The following NLRP3 variants were observed in gnomAD, a reference collection of about 807,000 sequenced individuals.
NLRP3 encodes the protein NLR family pyrin domain containing 3.
Under a neutral mutation model 91.3 loss-of-function variants are expected in NLRP3, and 48 were observed. That is an observed-to-expected ratio of 0.53 (90% CI 0.42 to 0.67). The LOEUF is 0.67. Ranked by LOEUF, NLRP3 falls within the 30% of genes least tolerant of loss-of-function variation. The probability of loss-of-function intolerance (pLI) is 0.00; values close to 1 mark genes in which losing one functional copy is unlikely to be tolerated. For missense variants in NLRP3, 982 were observed against 1,276.9 expected, an observed-to-expected ratio of 0.77 and a Z score of 3.52; for synonymous variants, 561 against 507.9, an observed-to-expected ratio of 1.10 and a Z score of -1.41.
At chr1:247,443,796 G>A in intron 7 of NLRP3, 176 bp from the exon 8 acceptor site, 1 of 664,508 alleles carries the variant, frequency 1.5e-6, no homozygotes, top group Non-Finnish European at 2.7e-6. Flanking sequence ...TGTGTCTCCT[G>A]TGACAGCCAG....
rs1191237426 is a variant in NLRP3 at position 247,444,009 on chromosome 1, G to A, written c.2701G>A (p.Ala901Thr). 6.2e-7 allele frequency: 1 copy of A among 1,614,132 alleles called. No individual in the cohort carries two copies. Among genetic ancestry groups the A allele is most frequent in the Non-Finnish European group, 8.5e-7 (1 of 1,180,020 alleles). Reference sequence around the variant, plus strand: ...TGGCCTTACGTCAGTCTGTTGTTCAGCTTTGTCCTCGGTACTCAGCACTAA... The same window carrying A: ...TGGCCTTACGTCAGTCTGTTGTTCAACTTTGTCCTCGGTACTCAGCACTAA... The part of the protein sequence containing the change: ...NSGLTSVCCS[A>T]LSSVLSTNQN... The change falls in exon 8 of 10, where the codon GCT (alanine) becomes ACT (threonine). Residue 901 changes from alanine (A) to threonine (T), a missense_variant. Ala to Thr is a moderately conservative substitution (Grantham distance 58). Around this residue, in one of 5 missense-constraint regions of NLRP3, gnomAD observed 373 missense variants for 431.5 expected, o/e 0.86. Transcript: ENST00000336119.
chr1:247,444,744 C>A lies in NLRP3; in HGVS notation c.2928C>A (p.Asn976Lys). 3 of 1,614,178 alleles carry A rather than the reference C, an allele frequency of 1.9e-6. No homozygotes were observed. In the South Asian group the frequency reaches 3.3e-5, roughly 18 times the overall value. The part of the protein sequence containing the change: ...SQSLRKLSLG[N>K]NDLGDLGVMM... ...GCCTGCGAAAGCTGAGCCTGGGCAA[C>A]AATGACCTGGGCGACCTGGGGGTCA... The change falls in exon 9 of 10, where the codon AAC becomes AAA. Residue 976 changes from asparagine (N) to lysine (K), a missense_variant. Around this residue, in one of 5 missense-constraint regions of NLRP3, gnomAD observed 373 missense variants for 431.5 expected, o/e 0.86. Transcript: ENST00000336119.
In NLRP3 at chr1:247,419,159, TATATA is replaced by T. The variant is rs751265516; in HGVS notation, c.277+83_277+87del. ...TTTTCCATCTTTATATATATATATA[TATATA>T]TTTTTTTTTGAGACGGAGTTGCTCT... On this transcript the variant is annotated intron_variant, in intron 2 of 9. Coordinates refer to ENST00000336119, the MANE Select transcript of NLRP3 (RefSeq NM_001243133.2). 930 of 909,342 alleles carry T rather than the reference TATATA, an allele frequency of 1.0e-3. 3 individuals are homozygous for T. Among genetic ancestry groups the T allele is most frequent in the East Asian group, 1.9e-3 (45 of 23,782 alleles). The allele number at this position is 909,342 out of a possible 1,614,324, so 56.3% of individuals were successfully genotyped here. A position where few individuals can be genotyped will look rare whatever the true frequency, so the allele number is the denominator to read the frequency against.
Position 247,417,997 on chromosome 1 carries a change from A to C in NLRP3, c.-748-56A>C, listed in dbSNP as rs1447545524. On this transcript the variant is annotated intron_variant, in intron 1 of 9. Transcript: ENST00000336119. ...CTCACAAAAACAGAAGCAAAGAGCCAGAGCCTTCAGTTTGGAGGAACTGAA... is the reference window on the plus strand; with the variant it reads ...CTCACAAAAACAGAAGCAAAGAGCCCGAGCCTTCAGTTTGGAGGAACTGAA... 1.3e-4 allele frequency: 20 copies of C among 152,302 alleles called. 1 individual carries two copies. Among genetic ancestry groups the C allele is most frequent in the Admixed American group, 1.3e-3 (20 of 15,286 alleles). The allele number at this position is 152,302 out of a possible 1,614,324, so 9.4% of individuals were successfully genotyped here.
Position 247,425,443 on chromosome 1 carries a change from C to T in NLRP3, c.1994C>T (p.Ser665Phe). The change falls in exon 4 of 10, where the codon TCC becomes TTC. Residue 665 changes from serine to phenylalanine, a missense_variant. Physicochemically the swap from Ser to Phe is radical, Grantham distance 155. This residue lies in a region of NLRP3 where 373 missense variants were observed against 431.5 expected (regional missense o/e 0.86). Coordinates refer to ENST00000336119, the MANE Select transcript of NLRP3 (RefSeq NM_001243133.2). The surrounding 1 kb of genome is among the most constrained non-coding windows in gnomAD (Gnocchi z 4.1). ...ACCAGAATGGACCACATGGTTTCTT[C>T]CTTTTGCATTGAGAACTGTCATCGG... ...LSTRMDHMVS[S>F]FCIENCHRVE... 2 of 1,614,190 alleles carry T rather than the reference C, an allele frequency of 1.2e-6. No homozygotes were observed. Among genetic ancestry groups the T allele is most frequent in the South Asian group, 2.2e-5 (2 of 91,080 alleles).
Position 247,444,640 on chromosome 1 carries a change from CCT to C in NLRP3, c.2835-10_2835-9del, listed in dbSNP as rs1664472318. On this transcript the variant is annotated splice_polypyrimidine_tract_variant and intron_variant, in intron 8 of 9. Coordinates refer to ENST00000336119, the MANE Select transcript of NLRP3 (RefSeq NM_001243133.2). ...AGGGGACATTTTCTTTAAATCACCC[CCT>C]TTTTGCAGATTAGACAACTGCAACC... 1.9e-6 allele frequency: 3 copies of C among 1,613,890 alleles called. No individual in the cohort carries two copies. The highest frequency in any genetic ancestry group is 2.5e-6 in the Non-Finnish European group (3 of 1,179,988).
At chr1:247,419,157 TA>T (rs1558185951) in intron 2 of NLRP3, 80 bp downstream of exon 2, 335 of 933,670 alleles carry the variant, frequency 3.6e-4, no homozygotes, top group South Asian at 9.1e-4. Context: ...TATATATATA[TA>T]TATATATTTT....
chr1:247,430,276 G>A (rs1306222734), intron 5 of NLRP3, among the ~76,000 whole-genome samples: 1 of 152,156 alleles, frequency 6.6e-6, no homozygotes, highest in African/African-American at 2.4e-5. Flanking sequence ...CTAAGATCAA[G>A]GTGTCAGCAG....
At chr1:247,439,455 T>G (rs1664051561) in intron 7 of NLRP3, among the ~76,000 whole-genome samples, 1 of 152,206 alleles carries the variant, frequency 6.6e-6, no homozygotes, top group South Asian at 2.1e-4. Context: ...TGTAGATGCC[T>G]CTGCCACACC....
In NLRP3 at chr1:247,418,580, G is replaced by T; in HGVS notation, c.-221G>T. The T allele has an allele frequency of 3.5e-6, 2 of 567,494 alleles. No individual in the cohort carries two copies. Among genetic ancestry groups the T allele is most frequent in the Non-Finnish European group, 6.3e-6 (2 of 319,572 alleles). 35.2% of individuals were successfully genotyped at this position (567,494 alleles called of 1,614,324 possible). On this transcript the variant is annotated 5_prime_UTR_variant, in exon 2 of 10. Transcript: ENST00000336119. Reference sequence around the variant, plus strand: ...GCCTCTCAAAGTGCTGGGATTACAGGCGTGAGCCACTGTGCCCGGCCTTGG... The same window carrying T: ...GCCTCTCAAAGTGCTGGGATTACAGTCGTGAGCCACTGTGCCCGGCCTTGG...
At position 247,423,944 on chromosome 1, in the gene NLRP3, C is replaced by G; in HGVS notation, c.495C>G (p.Arg165=). The change falls in exon 4 of 10, where the codon CGC becomes CGG. Residue 165 remains arginine (R), a synonymous_variant. Transcript: ENST00000336119. ...RLGESVSLNK[R]YTRLRLIKEH... ...GTGAGAGTGTGAGCCTCAACAAACG[C>G]TACACACGACTGCGTCTCATCAAGG... 6.2e-7 allele frequency: 1 copy of G among 1,613,982 alleles called. No homozygotes were observed. Among genetic ancestry groups the G allele is most frequent in the Middle Eastern group, 1.6e-4 (1 of 6,062 alleles).
rs116054301 is a variant in NLRP3 at position 247,425,049 on chromosome 1, C to T, written c.1600C>T (p.Leu534=). Reference sequence around the variant, plus strand: ...GTTCTTTGCCGCCATGTACTACCTGCTGGAAGAGGAAAAGGAAGGAAGGAC... The same window carrying T: ...GTTCTTTGCCGCCATGTACTACCTGTTGGAAGAGGAAAAGGAAGGAAGGAC... ...QEFFAAMYYL[L]EEEKEGRTNV... Residue 534 remains leucine, a synonymous_variant, in exon 4 of 10, where the codon CTG becomes TTG. Coordinates refer to ENST00000336119, the MANE Select transcript of NLRP3 (RefSeq NM_001243133.2). The surrounding 1 kb of genome is among the most constrained non-coding windows in gnomAD (Gnocchi z 4.1). The T allele has an allele frequency of 1.1e-3, 1,742 of 1,614,114 alleles. 14 individuals are homozygous for T. The African/African-American group carries it at 0.019, about 17-fold the overall frequency.
intron 4 of NLRP3, among the ~76,000 whole-genome samples, chr1:247,428,106 C>T (rs1351118675): frequency 1.4e-5 from 2 of 147,618 alleles, no homozygotes; most frequent in Admixed American, 6.8e-5. Flanking sequence ...CACCTTCCTT[C>T]CTCAGGACAG....
chr1:247,425,596 A>T lies in NLRP3; in HGVS notation c.2147A>T (p.His716Leu). The change falls in exon 4 of 10, where the codon CAT (histidine) becomes CTT (leucine). Residue 716 changes from histidine to leucine, a missense_variant. By Grantham distance (99) the His-to-Leu change is moderately conservative. This residue lies in a region of NLRP3 where 373 missense variants were observed against 431.5 expected (regional missense o/e 0.86). Coordinates refer to ENST00000336119, the MANE Select transcript of NLRP3 (RefSeq NM_001243133.2). This position sits in a 1 kb window ranked among gnomAD's most constrained non-coding sequence, Gnocchi z 4.1. ...AGCTCCTCTCATGCTGCCTGTTCTC[A>T]TGGGTAAGGAAACTCGGCTTCCAGG... Reference protein sequence around the residue: ...LPSSSHAACSHGLVNSHLTSS... With the variant: ...LPSSSHAACSLGLVNSHLTSS... 1 of 1,603,506 alleles carries T rather than the reference A, an allele frequency of 6.2e-7. No homozygotes were observed. Among genetic ancestry groups the T allele is most frequent in the Non-Finnish European group, 8.5e-7 (1 of 1,178,730 alleles).
In NLRP3 at chr1:247,424,396, T is replaced by C. The variant is rs1273239453; in HGVS notation, c.947T>C (p.Leu316Pro). ...QGAFDEHIGPLCTDWQKAERG... is the reference protein window; with the variant it reads ...QGAFDEHIGPPCTDWQKAERG... ...GCCTTTGACGAGCACATAGGACCGC[T>C]CTGCACTGACTGGCAGAAGGCCGAG... The change falls in exon 4 of 10, where the codon CTC becomes CCC. Residue 316 changes from leucine to proline, a missense_variant. By Grantham distance (98) the Leu-to-Pro change is moderately conservative. Around this residue, in one of 5 missense-constraint regions of NLRP3, gnomAD observed 548 missense variants for 713.7 expected, o/e 0.77. Coordinates refer to ENST00000336119, the MANE Select transcript of NLRP3 (RefSeq NM_001243133.2). This position sits in a 1 kb window ranked among gnomAD's most constrained non-coding sequence, Gnocchi z 8.1. 1.9e-6 allele frequency: 3 copies of C among 1,614,052 alleles called. No individual in the cohort carries two copies. The highest frequency in any genetic ancestry group is 1.6e-4 in the Middle Eastern group (1 of 6,062).
chr1:247,444,189 G>T, intron 8 of NLRP3, 47 bp downstream of exon 8: 1 of 1,597,796 alleles, frequency 6.3e-7, no homozygotes, highest in South Asian at 1.1e-5. Context: ...TGGTGGCCAA[G>T]GGTGGAGGGA....
intron 8 of NLRP3, 34 bp downstream of exon 8, chr1:247,444,176 A>G (rs1664438018): frequency 1.2e-6 from 2 of 1,611,652 alleles, no homozygotes; most frequent in Non-Finnish European, 1.7e-6. Context: ...CAATGAGAAC[A>G]CATGGTGGCC....
intron 4 of NLRP3, among the ~76,000 whole-genome samples, chr1:247,428,074 C>T (rs530875059): frequency 1.4e-3 from 215 of 150,242 alleles, no homozygotes; most frequent in Non-Finnish European, 2.6e-3. Flanking sequence ...GTAGGAGGCT[C>T]AGCACCCATT....
In NLRP3 at chr1:247,434,276, G is replaced by A. The variant is rs754098297; in HGVS notation, c.2492+3G>A. On this transcript the variant is annotated splice_donor_region_variant and intron_variant, in intron 6 of 9. Transcript: ENST00000336119. ...TTGTGCAATCTGAAGAAGCTCTGGTGAGTCGAGCCCGTTCCCCTAAGGAAG... is the reference window on the plus strand; with the variant it reads ...TTGTGCAATCTGAAGAAGCTCTGGTAAGTCGAGCCCGTTCCCCTAAGGAAG... 1.2e-6 allele frequency: 2 copies of A among 1,614,166 alleles called. No individual in the cohort carries two copies. The highest frequency in any genetic ancestry group is 1.1e-5 in the South Asian group (1 of 91,074).
Sources: gnomAD v4.1 joint callset for allele counts (sites outside exome capture counted in the v4.1 genomes callset) on GRCh38, gnomAD v4.1.1 for gene constraint, gnomAD v4.1.1 regional missense constraint, Gnocchi (gnomAD v3.1) non-coding constraint, MANE v1.5 for transcripts, NCBI Gene and HGNC (gene_info 2026-07-23, HGNC 2026-07-21) for gene names.